The following DCLRE1C variants were observed in gnomAD, a reference collection of about 807,000 sequenced individuals.
DCLRE1C encodes DNA cross-link repair 1C.
In DCLRE1C, 47 loss-of-function variants were observed where a neutral mutation model predicts 61.4. The observed-to-expected ratio is 0.77, with a 90% CI of 0.61 to 0.98. The LOEUF (loss-of-function observed/expected upper bound fraction) is 0.98, where lower values mean the gene tolerates loss of function less well. DCLRE1C is among the 50% of genes least tolerant of loss of function. The pLI is 0.00. For missense variants in DCLRE1C, 858 were observed against 816.0 expected (o/e 1.05, Z -0.63); for synonymous variants, 337 against 287.6 (o/e 1.17, Z -1.74).
chr10:14,946,163 C>T (rs1325686296), intron 2 of DCLRE1C, among the ~76,000 whole-genome samples: 2 of 150,968 alleles, frequency 1.3e-5, no homozygotes, highest in African/African-American at 2.4e-5. Flanking sequence ...CGCACCACCA[C>T]GCCCAGCTAA....
At chr10:14,954,098 C>T (rs1842851260), upstream of DCLRE1C, 1 of 1,593,650 alleles carries the variant, frequency 6.3e-7, no homozygotes, top group Non-Finnish European at 8.5e-7. Flanking sequence ...CGGGAAGCCG[C>T]GCGCTGCCTC....
Position 14,907,617 on chromosome 10 carries a change from T to G in DCLRE1C, c.*791A>C, listed in dbSNP as rs1350154547. Among the ~76,000 whole-genome samples the G allele has an allele frequency of 2.0e-5, 3 of 152,174 alleles. No homozygotes were observed. The highest frequency in any genetic ancestry group is 4.4e-5 in the Non-Finnish European group (3 of 68,044). ...ATATACGTTTAGGATTATTTTGTCT[T>G]CTTGGTGAACTAGACCTTTTATCAT... On this transcript the variant is annotated 3_prime_UTR_variant, in exon 14 of 14. Coordinates refer to ENST00000378278, the MANE Select transcript of DCLRE1C (RefSeq NM_001033855.3).
intron 12 of DCLRE1C, among the ~76,000 whole-genome samples, chr10:14,922,350 A>C (rs41299668): frequency 6.6e-6 from 1 of 151,996 alleles, no homozygotes; most frequent in East Asian, 1.9e-4. Context: ...CTGAGGCAGG[A>C]GAATCGTTTG....
intron 5 of DCLRE1C, 62 bp from the exon 6 acceptor site, chr10:14,935,626 A>G: frequency 2.1e-6 from 3 of 1,444,226 alleles, no homozygotes; most frequent in Non-Finnish European, 1.9e-6. Flanking sequence ...TAAAGCAAAT[A>G]CATGTGAGCT....
chr10:14,944,666 T>C (rs964505585), intron 3 of DCLRE1C, among the ~76,000 whole-genome samples: 1 of 149,710 alleles, frequency 6.7e-6, no homozygotes, highest in African/African-American at 2.5e-5. Flanking sequence ...GACTTAATTT[T>C]TTTTTTCTTT....
chr10:14,908,694 G>C lies in DCLRE1C; in HGVS notation c.1793C>G (p.Pro598Arg). Residue 598 changes from proline to arginine, a missense_variant, in exon 14 of 14, where the codon CCA becomes CGA. Around this residue, in one of 2 missense-constraint regions of DCLRE1C, gnomAD observed 843 missense variants for 783.5 expected, o/e 1.08. Transcript: ENST00000378278. The part of the protein sequence containing the change: ...ASLMEQNVIC[P>R]KDTYSDLKSR... ...TTTCAAATCAGAGTAAGTATCCTTT[G>C]GGCAAATTACATTTTGTTCCATGAG... 6.2e-7 allele frequency: 1 copy of C among 1,614,146 alleles called. No homozygotes were observed. Among genetic ancestry groups the C allele is most frequent in the African/African-American group, 1.3e-5 (1 of 75,014 alleles).
At chr10:14,930,802 A>G (rs1002102328) in intron 9 of DCLRE1C, among the ~76,000 whole-genome samples, 4 of 152,254 alleles carry the variant, frequency 2.6e-5, no homozygotes, top group African/African-American at 7.2e-5. Context: ...ATGTGAATAT[A>G]TATGTGTATT....
chr10:14,914,054 C>T lies in DCLRE1C; in HGVS notation c.1157-4724G>A, dbSNP rs575717705. Among the ~76,000 whole-genome samples the T allele has an allele frequency of 1.1e-4, 17 of 152,284 alleles. No individual in the cohort carries two copies. In the South Asian group the frequency reaches 2.7e-3, roughly 24 times the overall value. On this transcript the variant is annotated intron_variant, in intron 13 of 13. Coordinates refer to ENST00000378278, the MANE Select transcript of DCLRE1C (RefSeq NM_001033855.3). ...AGGATAAACTTAAACCTGACCATAT[C>T]AATGGGTACCATTAAACTAAGTGGA...
intron 13 of DCLRE1C, chr10:14,899,393 CTTAG>C: frequency 1.2e-6 from 1 of 838,828 alleles, no homozygotes; most frequent in Non-Finnish European, 1.9e-6. Context: ...GCATCTGAGT[CTTAG>C]TTTGTGTGAA....
At chr10:14,916,958 AC>A (rs1292600673) in intron 13 of DCLRE1C, among the ~76,000 whole-genome samples, 3 of 152,202 alleles carry the variant, frequency 2.0e-5, no homozygotes, top group Non-Finnish European at 4.4e-5. Context: ...AACCAAAACA[AC>A]TTTGAAAATG....
At position 14,934,784 on chromosome 10, in the gene DCLRE1C, A is replaced by AAG; in HGVS notation, c.465-10_465-9insCT. 6.3e-7 allele frequency: 1 copy of AAG among 1,598,532 alleles called. No individual in the cohort carries two copies. Among genetic ancestry groups the AAG allele is most frequent in the South Asian group, 1.1e-5 (1 of 90,748 alleles). On this transcript the variant is annotated splice_polypyrimidine_tract_variant and intron_variant, in intron 6 of 13. Transcript: ENST00000378278. ...TTTGGATGTCTTTGACTCTGAAAAG[A>AAG]AAAAAAATTGATGTTAGCCATCCAA... is the stretch of plus-strand genomic sequence containing the variant.
At chr10:14,946,397 T>C (rs11259404) in intron 2 of DCLRE1C, among the ~76,000 whole-genome samples, 4,284 of 152,276 alleles carry the variant, frequency 0.028, 224 homozygotes, top group African/African-American at 0.097. Flanking sequence ...GGCCACACAA[T>C]GACATACACC....
At chr10:14,933,509 G>A (rs1839368761) in intron 8 of DCLRE1C, among the ~76,000 whole-genome samples, 1 of 151,934 alleles carries the variant, frequency 6.6e-6, no homozygotes, top group South Asian at 2.1e-4. Flanking sequence ...TGGTGGCTCA[G>A]GCCTGTAATC....
chr10:14,905,744 G>A lies in DCLRE1C; in HGVS notation c.*2664C>T, dbSNP rs969710355. Among the ~76,000 whole-genome samples the A allele has an allele frequency of 6.6e-6, 1 of 152,188 alleles. No homozygotes were observed. The highest frequency in any genetic ancestry group is 2.4e-5 in the African/African-American group (1 of 41,450). On this transcript the variant is annotated 3_prime_UTR_variant, in exon 14 of 14. Transcript: ENST00000378278. ...TGACGCCTGTAATCCCAGCACTTTG[G>A]GAGGCCGAGGCGAGTGGATCACCAG...
intron 10 of DCLRE1C, among the ~76,000 whole-genome samples, chr10:14,927,535 T>TC (rs111227298): frequency 0.12 from 17,122 of 143,510 alleles, 2,220 homozygotes; most frequent in African/African-American, 0.32. Context: ...GACATCAGTT[T>TC]TTCCTCTTAG....
At position 14,907,472 on chromosome 10, in the gene DCLRE1C, G is replaced by A. The variant is rs1368313820; in HGVS notation, c.*936C>T. Among the ~76,000 whole-genome samples the A allele has an allele frequency of 6.6e-6, 1 of 151,992 alleles. No homozygotes were observed. Among genetic ancestry groups the A allele is most frequent in the African/African-American group, 2.4e-5 (1 of 41,356 alleles). ...CAGTTCTATATTCTTACTGATTAAT[G>A]TGTATATACTAGTTCTGTTACTAAG... On this transcript the variant is annotated 3_prime_UTR_variant, in exon 14 of 14. Transcript: ENST00000378278.
Position 14,907,401 on chromosome 10 carries a change from GGT to G in DCLRE1C, c.*1005_*1006del, listed in dbSNP as rs1425193920. Among the ~76,000 whole-genome samples, 5 of 151,500 alleles carry G rather than the reference GGT, an allele frequency of 3.3e-5. No homozygotes were observed. In the East Asian group the frequency reaches 7.7e-4, roughly 23 times the overall value. On this transcript the variant is annotated 3_prime_UTR_variant, in exon 14 of 14. Coordinates refer to ENST00000378278, the MANE Select transcript of DCLRE1C (RefSeq NM_001033855.3). ...GAGATACATTCTGCTAGTTTGGGGT[GGT>G]GTGTTCTATAAATGTCAATTTAATC...
upstream of DCLRE1C, chr10:14,954,097 G>A (rs1842851086): frequency 3.1e-6 from 5 of 1,596,540 alleles, no homozygotes; most frequent in Non-Finnish European, 4.3e-6. Flanking sequence ...CCGGGAAGCC[G>A]CGCGCTGCCT....
At chr10:14,910,708 T>C (rs1219576278) in intron 13 of DCLRE1C, among the ~76,000 whole-genome samples, 1 of 152,098 alleles carries the variant, frequency 6.6e-6, no homozygotes, top group Non-Finnish European at 1.5e-5. Context: ...GGAGTGTGGA[T>C]TGGGTAGATG....
Sources: allele counts gnomAD v4.1 joint callset (sites outside exome capture counted in the v4.1 genomes callset), GRCh38; gene constraint gnomAD v4.1.1; regional missense constraint gnomAD v4.1.1; transcripts MANE v1.5; gene names NCBI Gene and HGNC (gene_info 2026-07-23, HGNC 2026-07-21).